Variants in PBX3 observed in about 807,000 individuals in gnomAD.
PBX3 encodes pre-B-cell leukemia transcription factor 3.
In PBX3, 14 loss-of-function variants were observed where a neutral mutation model predicts 48.5. That is an observed-to-expected ratio of 0.29 (90% CI 0.19 to 0.45). The LOEUF is 0.45. PBX3 is among the 20% of genes least tolerant of loss of function. The pLI is 1.00. For synonymous variants in PBX3, 210 were observed against 200.3 expected, an observed-to-expected ratio of 1.05 and a Z score of -0.41; for missense variants, 386 against 546.7, an observed-to-expected ratio of 0.71 and a Z score of 2.93.
chr9:125,911,103 T>G lies in PBX3; in HGVS notation c.275-4583T>G, dbSNP rs576324426. ...GTTTAGACAGTGATGCCTTGAGGGT[T>G]TTTCAGTGTCTTTCACCACTGTTTC... On this transcript the variant is annotated intron_variant, in intron 2 of 8. Transcript: ENST00000373489. Among the ~76,000 whole-genome samples the G allele has an allele frequency of 5.3e-5, 8 of 152,208 alleles. No individual in the cohort carries two copies. In the South Asian group the frequency reaches 1.7e-3, roughly 32 times the overall value.
chr9:125,890,053 A>G (rs750851541), intron 2 of PBX3, among the ~76,000 whole-genome samples: 9 of 152,136 alleles, frequency 5.9e-5, no homozygotes, highest in Non-Finnish European at 8.8e-5. Flanking sequence ...ACTGCAAGTC[A>G]GAACCTCTCC....
At chr9:125,866,901 A>G (rs1327523033) in intron 2 of PBX3, among the ~76,000 whole-genome samples, 1 of 152,148 alleles carries the variant, frequency 6.6e-6, no homozygotes, top group Non-Finnish European at 1.5e-5. Flanking sequence ...AGGCAACTAA[A>G]TTTTTTGTCT....
At chr9:125,751,987 A>G (rs1311211805) in intron 2 of PBX3, among the ~76,000 whole-genome samples, 7 of 152,198 alleles carry the variant, frequency 4.6e-5, no homozygotes, top group Admixed American at 3.3e-4. Context: ...CAAGAAAAAA[A>G]TATTTATTTT....
intron 2 of PBX3, among the ~76,000 whole-genome samples, chr9:125,838,401 G>C (rs1423155817): frequency 1.3e-5 from 2 of 152,122 alleles, no homozygotes; most frequent in African/African-American, 2.4e-5. Context: ...ATTTTCAAGA[G>C]ACCTCTATAA....
At chr9:125,870,672 A>G (rs1840100786) in intron 2 of PBX3, among the ~76,000 whole-genome samples, 1 of 152,216 alleles carries the variant, frequency 6.6e-6, no homozygotes. Context: ...ATGTAAAATA[A>G]TATCTAATTT....
intron 3 of PBX3, among the ~76,000 whole-genome samples, chr9:125,928,352 C>T (rs1841628184): frequency 6.6e-6 from 1 of 150,832 alleles, no homozygotes; most frequent in South Asian, 2.1e-4. Context: ...GCACTCTAGC[C>T]TGGGTGACAC....
At chr9:125,833,738 G>A (rs1420159865) in intron 2 of PBX3, among the ~76,000 whole-genome samples, 1 of 152,168 alleles carries the variant, frequency 6.6e-6, no homozygotes, top group Non-Finnish European at 1.5e-5. Context: ...GGCTTGCAGA[G>A]TACTTGAAGC....
At chr9:125,877,453 T>G (rs1406652699) in intron 2 of PBX3, among the ~76,000 whole-genome samples, 1 of 152,236 alleles carries the variant, frequency 6.6e-6, no homozygotes, top group Non-Finnish European at 1.5e-5. Context: ...CCAGATGGCA[T>G]TAGCTCTTTG....
At chr9:125,821,156 C>T (rs577334582) in intron 2 of PBX3, among the ~76,000 whole-genome samples, 34 of 152,082 alleles carry the variant, frequency 2.2e-4, no homozygotes, top group African/African-American at 7.5e-4. Flanking sequence ...TTTTTCTTTT[C>T]GTTACCAATA....
intron 2 of PBX3, among the ~76,000 whole-genome samples, chr9:125,812,761 G>T (rs1838330355): frequency 6.6e-6 from 1 of 152,218 alleles, no homozygotes; most frequent in Non-Finnish European, 1.5e-5. Flanking sequence ...GGCTATATGG[G>T]ATAGCTCATT....
At chr9:125,861,787 A>C (rs1025159245) in intron 2 of PBX3, among the ~76,000 whole-genome samples, 2 of 152,216 alleles carry the variant, frequency 1.3e-5, no homozygotes, top group African/African-American at 4.8e-5. Flanking sequence ...AGAGAAAGAA[A>C]GTAGATTAGT....
intron 2 of PBX3, among the ~76,000 whole-genome samples, chr9:125,824,325 T>A (rs1247096261): frequency 6.6e-6 from 1 of 152,144 alleles, no homozygotes; most frequent in Non-Finnish European, 1.5e-5. Flanking sequence ...CTGTCTTGGG[T>A]GTGTGCTAGA....
chr9:125,875,491 A>G (rs551205312), intron 2 of PBX3, among the ~76,000 whole-genome samples: 1 of 152,160 alleles, frequency 6.6e-6, no homozygotes, highest in South Asian at 2.1e-4. Flanking sequence ...TTGAAGGCTC[A>G]TTAAGGCTAA....
intron 2 of PBX3, among the ~76,000 whole-genome samples, chr9:125,848,891 A>AG (rs1839502706): frequency 6.6e-6 from 1 of 152,052 alleles, no homozygotes; most frequent in Non-Finnish European, 1.5e-5. Context: ...AGCTTGATCT[A>AG]GAGTCAAGTA....
intron 2 of PBX3, among the ~76,000 whole-genome samples, chr9:125,877,144 C>G (rs971960772): frequency 8.5e-5 from 13 of 152,136 alleles, no homozygotes; most frequent in Non-Finnish European, 4.4e-5. Flanking sequence ...TTCTCTCTCC[C>G]CTAGAGGCAC....
At chr9:125,939,361 C>T (rs1269441314) in intron 5 of PBX3, among the ~76,000 whole-genome samples, 1 of 151,922 alleles carries the variant, frequency 6.6e-6, no homozygotes, top group African/African-American at 2.4e-5. Flanking sequence ...GAAAAGATCC[C>T]CATTCTTATT....
chr9:125,926,143 A>T (rs1841569700), intron 3 of PBX3, among the ~76,000 whole-genome samples: 1 of 152,252 alleles, frequency 6.6e-6, no homozygotes, highest in African/African-American at 2.4e-5. Context: ...ACATCTCCTT[A>T]GGGAAAGTTC....
At chr9:125,850,297 A>G (rs1479362437) in intron 2 of PBX3, among the ~76,000 whole-genome samples, 2 of 152,012 alleles carry the variant, frequency 1.3e-5, no homozygotes, top group Non-Finnish European at 2.9e-5. Flanking sequence ...TTTGGAACAT[A>G]TGTGTCTTTG....
chr9:125,773,135 T>C (rs1348375514), intron 2 of PBX3, among the ~76,000 whole-genome samples: 2 of 152,144 alleles, frequency 1.3e-5, no homozygotes, highest in African/African-American at 4.8e-5. Context: ...ATAGTTCACT[T>C]TGGAAACTTA....
Sources: allele counts gnomAD v4.1 joint callset (sites outside exome capture counted in the v4.1 genomes callset), GRCh38; gene constraint gnomAD v4.1.1; transcripts MANE v1.5; gene names NCBI Gene and HGNC (gene_info 2026-07-23, HGNC 2026-07-21).